PCSK6: variants seen among roughly 807,000 people sequenced by gnomAD.
The protein encoded by PCSK6 is proprotein convertase subtilisin/kexin type 6.
Under a neutral mutation model 123.3 loss-of-function variants are expected in PCSK6, and 85 were observed. That is an observed-to-expected ratio of 0.69 (90% CI 0.58 to 0.83). PCSK6 has a LOEUF of 0.83. Ranked by LOEUF, PCSK6 falls within the 40% of genes least tolerant of loss-of-function variation. The pLI is 0.00. For synonymous variants in PCSK6, 508 were observed against 516.0 expected, an observed-to-expected ratio of 0.98 and a Z score of 0.21; for missense variants, 1,191 against 1,282.3, an observed-to-expected ratio of 0.93 and a Z score of 1.09.
In PCSK6 at chr15:101,309,294, G is replaced by A. The variant is rs574197230; in HGVS notation, c.2700-1969C>T. Among the ~76,000 whole-genome samples, 30 of 152,330 alleles carry A rather than the reference G, an allele frequency of 2.0e-4. No individual in the cohort carries two copies. In the South Asian group the frequency reaches 5.4e-3, roughly 27 times the overall value. On this transcript the variant is annotated intron_variant, in intron 20 of 21. Coordinates refer to ENST00000611716, the MANE Select transcript of PCSK6 (RefSeq NM_002570.5). ...GCTCAGGGAGATGGGTGATGCTCCC[G>A]TCCCCGTTAGGCCAGTGCAGACGGC...
chr15:101,324,060 T>C (rs1400316182), intron 17 of PCSK6, among the ~76,000 whole-genome samples: 2 of 152,320 alleles, frequency 1.3e-5, no homozygotes, highest in East Asian at 3.9e-4. Flanking sequence ...GCCCCCACCC[T>C]CCTGGGACAG....
At chr15:101,374,858 C>A (rs1331705329) in intron 11 of PCSK6, among the ~76,000 whole-genome samples, 1 of 152,218 alleles carries the variant, frequency 6.6e-6, no homozygotes, top group Non-Finnish European at 1.5e-5. Flanking sequence ...ACGCTCTCAA[C>A]AAGACTGTCG....
chr15:101,480,565 A>C (rs2057850622), intron 1 of PCSK6, among the ~76,000 whole-genome samples: 3 of 152,228 alleles, frequency 2.0e-5, no homozygotes, highest in Admixed American at 2.0e-4. Flanking sequence ...AGGACTAGAC[A>C]GGGGGCCTTG....
At chr15:101,409,184 G>T (rs28584307) in intron 6 of PCSK6, among the ~76,000 whole-genome samples, 17,145 of 151,826 alleles carry the variant, frequency 0.11, 1,380 homozygotes, top group African/African-American at 0.22. Flanking sequence ...GAGGCTGAGC[G>T]CGGGGGCTCA....
intron 6 of PCSK6, among the ~76,000 whole-genome samples, chr15:101,416,574 A>G (rs968289771): frequency 1.3e-5 from 2 of 152,248 alleles, no homozygotes; most frequent in Non-Finnish European, 2.9e-5. Context: ...TCTCCAGGCC[A>G]TGTCAGAGAC....
intron 1 of PCSK6, among the ~76,000 whole-genome samples, chr15:101,451,247 G>C (rs935223697): frequency 6.6e-6 from 1 of 151,904 alleles, no homozygotes; most frequent in African/African-American, 2.4e-5. Flanking sequence ...TTGCAGCAAA[G>C]TCACCGAGAA....
rs576434720 is a variant in PCSK6 at position 101,359,848 on chromosome 15, G to A, written c.1858+6348C>T. ...TGCTCATACAGCTTGAAAGGCTGAC[G>A]ATACTTAATATACCTAATCCGAATT... On this transcript the variant is annotated intron_variant, in intron 13 of 21. Transcript: ENST00000611716. Among the ~76,000 whole-genome samples, 12 of 152,330 alleles carry A rather than the reference G, an allele frequency of 7.9e-5. No homozygotes were observed. The South Asian group carries it at 2.3e-3, about 29-fold the overall frequency.
chr15:101,332,186 T>C (rs568017426), intron 13 of PCSK6, among the ~76,000 whole-genome samples, 155 bp from the exon 14 acceptor site: 2 of 152,334 alleles, frequency 1.3e-5, no homozygotes, highest in South Asian at 2.1e-4. Flanking sequence ...TGTGCACCTA[T>C]TGCCCAGGCC....
At chr15:101,318,565 C>T (rs1016517572) in intron 18 of PCSK6, 143 bp from the exon 19 acceptor site, 117 of 719,996 alleles carry the variant, frequency 1.6e-4, no homozygotes, top group Middle Eastern at 4.9e-4. Context: ...TAAGGAAAGT[C>T]GGGAAAGCCA....
At chr15:101,358,303 A>AT (rs1317930956) in intron 13 of PCSK6, among the ~76,000 whole-genome samples, 2 of 152,104 alleles carry the variant, frequency 1.3e-5, no homozygotes, top group Non-Finnish European at 2.9e-5. Context: ...TGCTACTAAG[A>AT]TAAAAAAAAA....
At chr15:101,315,212 A>G (rs958709771) in intron 19 of PCSK6, among the ~76,000 whole-genome samples, 1 of 152,238 alleles carries the variant, frequency 6.6e-6, no homozygotes, top group African/African-American at 2.4e-5. Context: ...GTGGCACACA[A>G]ATGTAAATTC....
chr15:101,409,825 C>A (rs1467643537), intron 6 of PCSK6, among the ~76,000 whole-genome samples: 3 of 152,222 alleles, frequency 2.0e-5, no homozygotes, highest in African/African-American at 7.2e-5. Context: ...GGCTCCCCAG[C>A]AAGCTTTTCT....
At chr15:101,377,715 A>G (rs1369309969) in intron 11 of PCSK6, among the ~76,000 whole-genome samples, 9 of 152,266 alleles carry the variant, frequency 5.9e-5, no homozygotes, top group African/African-American at 2.2e-4. Context: ...TATGCGGCTA[A>G]TCCAGAGTTA....
chr15:101,365,087 C>T (rs1440240114), intron 13 of PCSK6: 2 of 736,796 alleles, frequency 2.7e-6, no homozygotes, highest in Non-Finnish European at 5.2e-6. Flanking sequence ...GGTGCTGGAA[C>T]AAATGGGTAC....
intron 1 of PCSK6, among the ~76,000 whole-genome samples, chr15:101,471,479 CTT>C: frequency 6.6e-6 from 1 of 152,356 alleles, no homozygotes; most frequent in East Asian, 1.9e-4. Context: ...ACTAAAATCA[CTT>C]GATCAAACTT....
In PCSK6 at chr15:101,443,551, T is replaced by C. The variant is rs779391092; in HGVS notation, c.402+5A>G. On this transcript the variant is annotated splice_donor_5th_base_variant and intron_variant, in intron 2 of 21. Transcript: ENST00000611716. ...CCCTTAGGAAAGCATCCGGACACTCTGTACCTGGGGGTCCATTCTGAGGAA... is the reference window on the plus strand; with the variant it reads ...CCCTTAGGAAAGCATCCGGACACTCCGTACCTGGGGGTCCATTCTGAGGAA... 3.7e-6 allele frequency: 6 copies of C among 1,602,572 alleles called. No individual in the cohort carries two copies. The highest frequency in any genetic ancestry group is 2.7e-5 in the African/African-American group (2 of 74,676).
At chr15:101,328,873 G>T (rs531511213) in intron 15 of PCSK6, among the ~76,000 whole-genome samples, 2 of 152,366 alleles carry the variant, frequency 1.3e-5, no homozygotes, top group Admixed American at 6.5e-5. Flanking sequence ...CGCCCATGAA[G>T]CGTTCTTAAA....
intron 13 of PCSK6, chr15:101,364,888 C>T (rs967261598): frequency 1.6e-6 from 1 of 621,822 alleles, no homozygotes; most frequent in South Asian, 1.9e-5. Flanking sequence ...AGGACTCGCA[C>T]TTTCTTATTT....
rs12591934 is a variant in PCSK6 at position 101,313,689 on chromosome 15, C to T, written c.2570-184G>A. ...TCACCCACTCCCAGGAGGTGGGCAT[C>T]GCCATCACCATTTCACAGACGGGGA... On this transcript the variant is annotated intron_variant, in intron 19 of 21. Transcript: ENST00000611716. The T allele has an allele frequency of 7.1e-3, 5,304 of 751,566 alleles. 241 individuals carry two copies. The East Asian group carries it at 0.099, about 14-fold the overall frequency. The allele number at this position is 751,566 out of a possible 1,614,324, so 46.6% of individuals were successfully genotyped here. A position where few individuals can be genotyped will look rare whatever the true frequency, so the allele number is the denominator to read the frequency against.
Sources: gnomAD v4.1 joint callset for allele counts (sites outside exome capture counted in the v4.1 genomes callset) on GRCh38, gnomAD v4.1.1 for gene constraint, MANE v1.5 for transcripts, NCBI Gene and HGNC (gene_info 2026-07-23, HGNC 2026-07-21) for gene names.